GLIS3: variants seen among roughly 807,000 people sequenced by gnomAD.
GLIS3 encodes zinc finger protein GLIS3.
A neutral mutation model predicts 78.6 loss-of-function variants in GLIS3; 53 were observed. The observed-to-expected ratio is 0.67, with a 90% CI of 0.54 to 0.85. GLIS3 has a LOEUF of 0.85. Ranked by LOEUF, GLIS3 falls within the 40% of genes least tolerant of loss-of-function variation. GLIS3 has a pLI of 0.00. For synonymous variants in GLIS3, 684 were observed against 509.9 expected, an observed-to-expected ratio of 1.34 and a Z score of -4.60; for missense variants, 1,703 against 1,231.1, an observed-to-expected ratio of 1.38 and a Z score of -5.74.
chr9:4,318,773 A>C (rs1022610838), intron 2 of GLIS3, among the ~76,000 whole-genome samples: 2 of 152,238 alleles, frequency 1.3e-5, no homozygotes, highest in Non-Finnish European at 2.9e-5. Flanking sequence ...CAGTCTTCAA[A>C]AGATGCTAAA....
chr9:4,404,380 G>A, the GLIS3 span, among the ~76,000 whole-genome samples: 2 of 152,072 alleles, frequency 1.3e-5, no homozygotes, highest in African/African-American at 2.4e-5. Flanking sequence ...AACCTAATGA[G>A]TAGTCACAAA....
chr9:3,941,836 C>T (rs923202512), intron 4 of GLIS3, among the ~76,000 whole-genome samples: 1 of 152,122 alleles, frequency 6.6e-6, no homozygotes, highest in Non-Finnish European at 1.5e-5. Context: ...TAGCTTGTTC[C>T]ACTTTGCTAA....
chr9:3,965,502 C>T (rs560662853), intron 4 of GLIS3, among the ~76,000 whole-genome samples: 1 of 152,156 alleles, frequency 6.6e-6, no homozygotes, highest in Admixed American at 6.5e-5. Context: ...CGCCTCTTTC[C>T]TAATTCTATC....
intron 9 of GLIS3, among the ~76,000 whole-genome samples, chr9:3,836,432 G>C (rs1436884614): frequency 1.3e-5 from 2 of 152,232 alleles, no homozygotes; most frequent in African/African-American, 4.8e-5. Flanking sequence ...GGGACATGTA[G>C]AAGCATAAGT....
chr9:3,954,297 C>T (rs746587454), intron 4 of GLIS3, among the ~76,000 whole-genome samples: 1 of 152,176 alleles, frequency 6.6e-6, no homozygotes, highest in Admixed American at 6.5e-5. Context: ...AGAAGCTCCT[C>T]GATAAAGAGG....
the GLIS3 span, among the ~76,000 whole-genome samples, chr9:4,489,950 G>C: frequency 7.2e-5 from 11 of 152,186 alleles, no homozygotes; most frequent in Non-Finnish European, 1.2e-4. Context: ...TTCTGCCCCA[G>C]GACTCCTTTC....
intron 4 of GLIS3, among the ~76,000 whole-genome samples, chr9:4,099,257 T>C (rs1358419497): frequency 6.6e-6 from 1 of 152,182 alleles, no homozygotes; most frequent in Non-Finnish European, 1.5e-5. Context: ...TATCATCTCA[T>C]AGGTCTGGAG....
chr9:4,454,363 C>T, the GLIS3 span, among the ~76,000 whole-genome samples: 2 of 152,120 alleles, frequency 1.3e-5, no homozygotes, highest in Non-Finnish European at 2.9e-5. Flanking sequence ...GAACTGATGT[C>T]AAAATCAGAT....
chr9:4,336,157 C>A (rs1350851434), intron 2 of GLIS3, among the ~76,000 whole-genome samples: 2 of 152,220 alleles, frequency 1.3e-5, no homozygotes, highest in African/African-American at 4.8e-5. Context: ...TTCTCTGGCT[C>A]TAGCCCACTG....
At chr9:4,268,801 C>G (rs1471377205) in intron 2 of GLIS3, among the ~76,000 whole-genome samples, 1 of 152,252 alleles carries the variant, frequency 6.6e-6, no homozygotes, top group East Asian at 1.9e-4. Flanking sequence ...ACCAGCTGGG[C>G]AGCATCTCCT....
chr9:4,076,984 G>C (rs1828121252), intron 4 of GLIS3, among the ~76,000 whole-genome samples: 1 of 152,176 alleles, frequency 6.6e-6, no homozygotes, highest in Admixed American at 6.5e-5. Flanking sequence ...GCTTGAGCCA[G>C]GGAGGTGGAG....
chr9:3,913,380 T>C (rs1366338998), intron 6 of GLIS3, among the ~76,000 whole-genome samples: 1 of 152,208 alleles, frequency 6.6e-6, no homozygotes, highest in African/African-American at 2.4e-5. Context: ...CAAAGCCCTT[T>C]AGTGACTCTC....
chr9:4,104,900 T>C (rs1830639187), intron 4 of GLIS3, among the ~76,000 whole-genome samples: 1 of 152,336 alleles, frequency 6.6e-6, no homozygotes, highest in South Asian at 2.1e-4. Flanking sequence ...TGGCATGAAA[T>C]AGTTGCTTAA....
intron 2 of GLIS3, among the ~76,000 whole-genome samples, chr9:4,139,788 G>C (rs536889945): frequency 6.6e-6 from 1 of 152,142 alleles, no homozygotes; most frequent in African/African-American, 2.4e-5. Context: ...AGTTCACTAT[G>C]GGGTTTCTGC....
At chr9:4,352,947 G>T (rs1817993549), upstream of GLIS3, among the ~76,000 whole-genome samples, 1 of 152,186 alleles carries the variant, frequency 6.6e-6, no homozygotes. Context: ...CCACTTGTCA[G>T]GCTAAGATAT....
chr9:4,186,395 T>C (rs1001842320), intron 2 of GLIS3, among the ~76,000 whole-genome samples: 5 of 152,046 alleles, frequency 3.3e-5, no homozygotes, highest in Admixed American at 3.3e-4. Flanking sequence ...ATCCAGTCTA[T>C]CATTGTTGGA....
At chr9:4,367,937 T>A in the GLIS3 span, among the ~76,000 whole-genome samples, 1 of 152,214 alleles carries the variant, frequency 6.6e-6, no homozygotes, top group South Asian at 2.1e-4. Context: ...TCAGAGAGGT[T>A]TGTGTAGCTT....
In GLIS3 at chr9:4,117,817, A is replaced by C; in HGVS notation, c.1661T>G (p.Leu554Arg). Reference protein sequence around the residue: ...RYKPFNARYKLLIHMRVHSGE... With the variant: ...RYKPFNARYKRLIHMRVHSGE... ...AGAGTGGACTCTCATGTGGATCAGC[A>C]GTTTATAGCGGGCGTTGAAGGGCTT... Residue 554 changes from leucine (L) to arginine (R), a missense_variant, in exon 4 of 11, where the codon CTG becomes CGG. Transcript: ENST00000381971. 2 of 1,614,136 alleles carry C rather than the reference A, an allele frequency of 1.2e-6. No individual in the cohort carries two copies. The highest frequency in any genetic ancestry group is 1.7e-6 in the Non-Finnish European group (2 of 1,180,024).
At chr9:3,906,035 C>T (rs1472725004) in intron 6 of GLIS3, among the ~76,000 whole-genome samples, 1 of 152,080 alleles carries the variant, frequency 6.6e-6, no homozygotes, top group Admixed American at 6.5e-5. Flanking sequence ...TGAAATCTAC[C>T]GAGGAAACAA....
Sources: gnomAD v4.1 joint callset for allele counts (sites outside exome capture counted in the v4.1 genomes callset) on GRCh38, gnomAD v4.1.1 for gene constraint, MANE v1.5 for transcripts, NCBI Gene and HGNC (gene_info 2026-07-23, HGNC 2026-07-21) for gene names.